The following SNIP1 variants were observed in gnomAD, a reference collection of about 807,000 sequenced individuals.
SNIP1 encodes smad nuclear-interacting protein 1.
Under a neutral mutation model 37.4 loss-of-function variants are expected in SNIP1, and 23 were observed. The observed-to-expected ratio is 0.61, with a 90% CI of 0.44 to 0.87. The LOEUF is 0.87. Among genes scored for constraint, SNIP1 ranks in the 40% least tolerant of loss-of-function variants. The pLI, the probability that SNIP1 is intolerant of heterozygous loss-of-function variation, is 0.00. For synonymous variants in SNIP1, 174 were observed against 200.0 expected (o/e 0.87, Z 1.10); for missense variants, 459 against 540.4 (o/e 0.85, Z 1.49).
At chr1:37,553,760 G>A (rs111889264) in intron 1 of SNIP1, among the ~76,000 whole-genome samples, 62 of 152,270 alleles carry the variant, frequency 4.1e-4, no homozygotes, top group African/African-American at 1.4e-3. Flanking sequence ...ACTCTTCGAA[G>A]TGCTAGGAAC....
Position 37,548,640 on chromosome 1 carries a change from G to A in SNIP1, c.327+4005C>T, listed in dbSNP as rs1643268409. On this transcript the variant is annotated intron_variant, in intron 2 of 3. Transcript: ENST00000296215. ...TCTAATCCCAGTTACTTGGGAGGCT[G>A]AGGCAGGAGAATCCCTTGAACCCAG... Among the ~76,000 whole-genome samples, 13 of 151,688 alleles carry A rather than the reference G, an allele frequency of 8.6e-5. No individual in the cohort carries two copies. In the South Asian group the frequency reaches 2.5e-3, roughly 29 times the overall value.
intron 2 of SNIP1, among the ~76,000 whole-genome samples, chr1:37,551,610 T>C (rs1332868163): frequency 6.6e-6 from 1 of 152,036 alleles, no homozygotes; most frequent in Non-Finnish European, 1.5e-5. Flanking sequence ...AGAAGAAAGA[T>C]CATTTGAGGA....
intron 1 of SNIP1, 116 bp from the exon 2 acceptor site, chr1:37,552,863 C>T (rs551339465): frequency 4.8e-5 from 40 of 828,364 alleles, no homozygotes; most frequent in Non-Finnish European, 7.3e-5. Flanking sequence ...AGGTCTCTGC[C>T]GGTCACATTA....
At chr1:37,539,854 G>A (rs1241535690) in intron 3 of SNIP1, among the ~76,000 whole-genome samples, 1 of 152,218 alleles carries the variant, frequency 6.6e-6, no homozygotes, top group South Asian at 2.1e-4. Flanking sequence ...AGGAGGCCGA[G>A]GCAGGAGACA....
chr1:37,537,866 A>G lies in SNIP1; in HGVS notation c.1073T>C (p.Leu358Pro), dbSNP rs1643118240. 1 of 1,614,068 alleles carries G rather than the reference A, an allele frequency of 6.2e-7. No individual in the cohort carries two copies. Residue 358 changes from leucine (L) to proline (P), a missense_variant, in exon 4 of 4, where the codon CTC (leucine) becomes CCC (proline). Physicochemically the swap from Leu to Pro is moderately conservative, Grantham distance 98. Coordinates refer to ENST00000296215, the MANE Select transcript of SNIP1 (RefSeq NM_024700.4). Reference protein sequence around the residue: ...RYYELKEKDVLKFGFSSREYV... With the variant: ...RYYELKEKDVPKFGFSSREYV... ...TTCTCTGCTACTGAATCCAAATTTG[A>G]GTACATCCTTTTCTTTTAGTTCATA...
At chr1:37,552,518 A>C (rs1346084644) in intron 2 of SNIP1, 127 bp downstream of exon 2, 2 of 734,054 alleles carry the variant, frequency 2.7e-6, no homozygotes, top group Non-Finnish European at 4.7e-6. Context: ...TCGGAGGTAC[A>C]AGTAGAGATG....
At chr1:37,552,843 G>A (rs1643316692) in intron 1 of SNIP1, 96 bp from the exon 2 acceptor site, 8 of 970,110 alleles carry the variant, frequency 8.2e-6, no homozygotes, top group African/African-American at 1.6e-5. Context: ...CACAAACACC[G>A]CATTTGTGAA....
At chr1:37,550,968 A>C (rs1643293156) in intron 2 of SNIP1, among the ~76,000 whole-genome samples, 1 of 150,218 alleles carries the variant, frequency 6.7e-6, no homozygotes, top group South Asian at 2.1e-4. Context: ...GGTGGTGGGC[A>C]TCTGTAATCC....
At chr1:37,541,788 C>A (rs1056729742) in intron 2 of SNIP1, among the ~76,000 whole-genome samples, 1 of 152,102 alleles carries the variant, frequency 6.6e-6, no homozygotes, top group Non-Finnish European at 1.5e-5. Flanking sequence ...CCGAACCTGA[C>A]TGCCATCAAA....
Position 37,536,228 on chromosome 1 carries a change from C to T in SNIP1, c.*1520G>A, listed in dbSNP as rs1322347043. On this transcript the variant is annotated 3_prime_UTR_variant, in exon 4 of 4. Coordinates refer to ENST00000296215, the MANE Select transcript of SNIP1 (RefSeq NM_024700.4). ...GCCCCTCCCACTAGCCAATCTTTAGCCCTGAGCACACATGGGTATAAAAAC... is the reference window on the plus strand; with the variant it reads ...GCCCCTCCCACTAGCCAATCTTTAGTCCTGAGCACACATGGGTATAAAAAC... 6.6e-6 allele frequency: 1 copy of T among 152,192 alleles called. No individual in the cohort carries two copies. The highest frequency in any genetic ancestry group is 2.4e-5 in the African/African-American group (1 of 41,440). The allele number at this position is 152,192 out of a possible 1,614,324, so 9.4% of individuals were successfully genotyped here.
chr1:37,548,262 A>G (rs1188238204), intron 2 of SNIP1, among the ~76,000 whole-genome samples: 1 of 151,830 alleles, frequency 6.6e-6, no homozygotes, highest in African/African-American at 2.4e-5. Flanking sequence ...TATTTATAAT[A>G]CCTAATACAA....
intron 2 of SNIP1, among the ~76,000 whole-genome samples, chr1:37,543,487 C>T (rs1643195644): frequency 6.6e-6 from 1 of 151,738 alleles, no homozygotes. Flanking sequence ...GAATACTTCA[C>T]AGCCATGAAA....
Position 37,540,496 on chromosome 1 carries a change from CCAA to C in SNIP1, c.584_586del (p.Val195del). ...CTCCTGAGACTCACTGCCGCCACCA[CCAA>C]CGTCATTCCTCTGGCGATGCTCCCG... On this transcript the variant is annotated inframe_deletion, in exon 3 of 4. Transcript: ENST00000296215. The surrounding 1 kb of genome is among the most constrained non-coding windows in gnomAD (Gnocchi z 5.6). 6.2e-7 allele frequency: 1 copy of C among 1,614,166 alleles called. No individual in the cohort carries two copies. Among genetic ancestry groups the C allele is most frequent in the Non-Finnish European group, 8.5e-7 (1 of 1,180,028 alleles).
At chr1:37,551,144 T>C (rs956167617) in intron 2 of SNIP1, among the ~76,000 whole-genome samples, 2 of 145,410 alleles carry the variant, frequency 1.4e-5, no homozygotes, top group African/African-American at 5.1e-5. Flanking sequence ...TCATAAGCCA[T>C]TAGGAAAATG....
rs137902870 is a variant in SNIP1, at chr1:37,554,126, C to T, written c.104G>A (p.Ser35Asn). 363 of 1,613,026 alleles carry T rather than the reference C, an allele frequency of 2.3e-4. 1 individual carries two copies. In the African/African-American group the frequency reaches 3.9e-3, roughly 17 times the overall value. Residue 35 changes from serine (S) to asparagine (N), a missense_variant, in exon 1 of 4, where the codon AGC (serine) becomes AAC (asparagine). Physicochemically the swap from Ser to Asn is conservative, Grantham distance 46. Coordinates refer to ENST00000296215, the MANE Select transcript of SNIP1 (RefSeq NM_024700.4). The part of the protein sequence containing the change: ...AGVVVKQERL[S>N]PEVAPPAHRR... ...GTGGGCGGGAGGTGCGACTTCTGGGCTGAGACGCTCCTGCTTCACCACCAC... is the reference window on the plus strand; with the variant it reads ...GTGGGCGGGAGGTGCGACTTCTGGGTTGAGACGCTCCTGCTTCACCACCAC...
rs972452293 is a variant in SNIP1 at position 37,552,808 on chromosome 1, T to G, written c.225-61A>C. 3 of 1,392,494 alleles carry G rather than the reference T, an allele frequency of 2.2e-6. No individual in the cohort carries two copies. The Admixed American group carries it at 5.0e-5, about 23-fold the overall frequency. 86.3% of individuals were successfully genotyped at this position (1,392,494 alleles called of 1,614,324 possible). On this transcript the variant is annotated intron_variant, in intron 1 of 3. Coordinates refer to ENST00000296215, the MANE Select transcript of SNIP1 (RefSeq NM_024700.4). ...TTTCCCTTCCCCCATAAAAATTAGC[T>G]TCCAGTATCAGGCTTACCTACTAAC...
At position 37,534,945 on chromosome 1, in the gene SNIP1, G is replaced by C. The variant is rs1311007616; in HGVS notation, c.*2803C>G. The C allele has an allele frequency of 6.6e-6, 1 of 151,686 alleles. No homozygotes were observed. Among genetic ancestry groups the C allele is most frequent in the African/African-American group, 2.4e-5 (1 of 41,220 alleles). 9.4% of individuals were successfully genotyped at this position (151,686 alleles called of 1,614,324 possible). A position where few individuals can be genotyped will look rare whatever the true frequency, so the allele number is the denominator to read the frequency against. On this transcript the variant is annotated 3_prime_UTR_variant, in exon 4 of 4. Transcript: ENST00000296215. ...TAAGATGAACATGAACTTCTAAACA[G>C]AATGAAAGCTCTAGGATTATGTCCA...
In SNIP1 at chr1:37,554,253, G is replaced by A. The variant is rs186799716; in HGVS notation, c.-24C>T. 4.1e-5 allele frequency: 64 copies of A among 1,577,332 alleles called. No individual in the cohort carries two copies. In the African/African-American group the frequency reaches 7.3e-4, roughly 18 times the overall value. ...ATTCTGTGATTTTGGCTGGGCGAAA[G>A]AAAACAGATCAGTTGAGCTCCTCTA... On this transcript the variant is annotated 5_prime_UTR_variant, in exon 1 of 4. Transcript: ENST00000296215.
rs550057290 is a variant in SNIP1 at position 37,540,826 on chromosome 1, T to C, written c.328-71A>G. 7.1e-7 allele frequency: 1 copy of C among 1,405,204 alleles called. No homozygotes were observed. The highest frequency in any genetic ancestry group is 9.5e-7 in the Non-Finnish European group (1 of 1,048,838). 87.0% of individuals were successfully genotyped at this position (1,405,204 alleles called of 1,614,324 possible). The stretch of plus-strand genomic sequence containing the variant: ...AAAGGCAGCCCAAATCTTGTTCTTT[T>C]TGAACGAAGTGCATGCAAAAAGTCT... On this transcript the variant is annotated intron_variant, in intron 2 of 3. Transcript: ENST00000296215. This position sits in a 1 kb window ranked among gnomAD's most constrained non-coding sequence, Gnocchi z 5.6.
Sources: gnomAD v4.1 joint callset for allele counts (sites outside exome capture counted in the v4.1 genomes callset) on GRCh38, gnomAD v4.1.1 for gene constraint, Gnocchi (gnomAD v3.1) non-coding constraint, MANE v1.5 for transcripts, NCBI Gene and HGNC (gene_info 2026-07-23, HGNC 2026-07-21) for gene names.